The following QTMAN variants were observed in gnomAD, a reference collection of about 807,000 sequenced individuals.
The protein encoded by QTMAN is queuosine-tRNA mannosyltransferase.
chr2:143,996,764 A>G, the QTMAN span, among the ~76,000 whole-genome samples: 5 of 152,116 alleles, frequency 3.3e-5, no homozygotes, highest in African/African-American at 2.4e-5. Context: ...TTTCACTTAT[A>G]TAACAGGACA....
the QTMAN span, among the ~76,000 whole-genome samples, chr2:143,983,542 G>A: frequency 7.1e-6 from 1 of 140,022 alleles, no homozygotes; most frequent in Non-Finnish European, 1.5e-5. Flanking sequence ...GCGTGATCTC[G>A]GCTCACTGCA....
the QTMAN span, among the ~76,000 whole-genome samples, chr2:143,960,217 G>T: frequency 6.6e-6 from 1 of 152,122 alleles, no homozygotes; most frequent in Admixed American, 6.6e-5. Context: ...ATTGAAGTAT[G>T]TATGATAAGT....
the QTMAN span, among the ~76,000 whole-genome samples, chr2:144,137,247 T>C: frequency 6.6e-6 from 1 of 152,194 alleles, no homozygotes; most frequent in Non-Finnish European, 1.5e-5. Context: ...GATTACCATT[T>C]AATCTCTCTT....
At chr2:144,231,846 GT>G in the QTMAN span, among the ~76,000 whole-genome samples, 1 of 32,780 alleles carries the variant, frequency 3.1e-5, no homozygotes, top group African/African-American at 1.6e-4. Context: ...TGAAAGAGGT[GT>G]GTGTGTGTGT....
chr2:144,101,524 A>C, the QTMAN span, among the ~76,000 whole-genome samples: 1 of 152,266 alleles, frequency 6.6e-6, no homozygotes, highest in South Asian at 2.1e-4. Context: ...CTTGGGAACA[A>C]GACCACACAT....
the QTMAN span, among the ~76,000 whole-genome samples, chr2:144,175,331 G>T: frequency 2.6e-5 from 4 of 151,988 alleles, no homozygotes; most frequent in Non-Finnish European, 5.9e-5. Flanking sequence ...AATCAATAGG[G>T]GGAAAAAGTA....
chr2:144,213,047 T>C, the QTMAN span, among the ~76,000 whole-genome samples: 1 of 152,200 alleles, frequency 6.6e-6, no homozygotes, highest in South Asian at 2.1e-4. Context: ...TGTGAAAATA[T>C]CAATAGTATT....
At chr2:144,225,209 C>T in the QTMAN span, among the ~76,000 whole-genome samples, 1 of 152,188 alleles carries the variant, frequency 6.6e-6, no homozygotes. Context: ...CAGTACACTG[C>T]TGCACACCTC....
chr2:144,169,136 C>A, the QTMAN span, among the ~76,000 whole-genome samples: 1 of 152,032 alleles, frequency 6.6e-6, no homozygotes, highest in Non-Finnish European at 1.5e-5. Flanking sequence ...GTAAGCTACA[C>A]ATTATAATCA....
chr2:144,276,845 C>T, the QTMAN span, among the ~76,000 whole-genome samples: 4 of 152,248 alleles, frequency 2.6e-5, no homozygotes, highest in South Asian at 8.3e-4. Flanking sequence ...CTTCACACCC[C>T]TAAACTCTTA....
At chr2:144,004,233 G>T in the QTMAN span, among the ~76,000 whole-genome samples, 1 of 151,996 alleles carries the variant, frequency 6.6e-6, no homozygotes, top group Non-Finnish European at 1.5e-5. Flanking sequence ...GTACAAGGAT[G>T]GGGGAGGCTC....
At chr2:144,070,518 C>T in the QTMAN span, among the ~76,000 whole-genome samples, 2 of 152,060 alleles carry the variant, frequency 1.3e-5, no homozygotes, top group African/African-American at 2.4e-5. Flanking sequence ...AAATACATAA[C>T]ACAATACAAC....
chr2:144,313,481 A>C, the QTMAN span, among the ~76,000 whole-genome samples: 1 of 152,214 alleles, frequency 6.6e-6, no homozygotes, highest in African/African-American at 2.4e-5. Flanking sequence ...ACAGATTTAC[A>C]AAAAAATGAG....
the QTMAN span, among the ~76,000 whole-genome samples, chr2:144,086,438 C>A: frequency 6.6e-6 from 1 of 152,118 alleles, no homozygotes; most frequent in African/African-American, 2.4e-5. Flanking sequence ...ACCATTCCCA[C>A]CCTCAATAAT....
the QTMAN span, among the ~76,000 whole-genome samples, chr2:144,040,479 G>T: frequency 1.3e-5 from 2 of 152,048 alleles, no homozygotes; most frequent in South Asian, 4.1e-4. Flanking sequence ...CTATAAGTTT[G>T]TTTTTTAAGG....
the QTMAN span, among the ~76,000 whole-genome samples, chr2:144,014,090 C>T: frequency 6.6e-6 from 1 of 152,022 alleles, no homozygotes; most frequent in Non-Finnish European, 1.5e-5. Context: ...GTTTGGAGAC[C>T]ACAACATTAA....
chr2:143,991,639 A>C, the QTMAN span, among the ~76,000 whole-genome samples: 1 of 129,080 alleles, frequency 7.7e-6, no homozygotes, highest in Non-Finnish European at 1.6e-5. Context: ...CCTACTGGGA[A>C]GTGAGGAGCC....
chr2:144,085,359 A>T, the QTMAN span, among the ~76,000 whole-genome samples: 3 of 152,220 alleles, frequency 2.0e-5, no homozygotes, highest in African/African-American at 7.2e-5. Context: ...TGCCTTGTCA[A>T]ACGGGATGAC....
At chr2:144,052,018 T>C in the QTMAN span, among the ~76,000 whole-genome samples, 12 of 152,232 alleles carry the variant, frequency 7.9e-5, no homozygotes, top group African/African-American at 2.7e-4. Flanking sequence ...ACACATTTCC[T>C]TGTTTATTGC....
Sources: allele counts gnomAD v4.1 joint callset (sites outside exome capture counted in the v4.1 genomes callset), GRCh38; gene constraint gnomAD v4.1.1; transcripts MANE v1.5; gene names NCBI Gene and HGNC (gene_info 2026-07-23, HGNC 2026-07-21).